The following SLC4A10 variants were observed in gnomAD, a reference collection of about 807,000 sequenced individuals.
SLC4A10 encodes sodium-driven chloride bicarbonate exchanger.
In SLC4A10, 42 loss-of-function variants were observed where a neutral mutation model predicts 137.7. The ratio of observed to expected loss-of-function variants is 0.30; its 90% CI spans 0.24 to 0.39. The LOEUF (loss-of-function observed/expected upper bound fraction) is 0.39. Ranked by LOEUF, SLC4A10 falls within the 10% of genes least tolerant of loss-of-function variation. The pLI is 1.00. For missense variants in SLC4A10, 925 were observed against 1,355.0 expected, an observed-to-expected ratio of 0.68 and a Z score of 4.98; for synonymous variants, 474 against 464.1, an observed-to-expected ratio of 1.02 and a Z score of -0.27.
At chr2:161,767,094 C>CAT (rs770704286) in intron 1 of SLC4A10, among the ~76,000 whole-genome samples, 570 of 40,036 alleles carry the variant, frequency 0.014, 4 homozygotes, top group Middle Eastern at 0.037. Flanking sequence ...AATTAAGAAG[C>CAT]ATATATATAT....
At chr2:161,684,509 A>G (rs1222442299) in intron 1 of SLC4A10, among the ~76,000 whole-genome samples, 1 of 152,192 alleles carries the variant, frequency 6.6e-6, no homozygotes, top group African/African-American at 2.4e-5. Context: ...GAAGAGCTTG[A>G]GCAAGGACTT....
At chr2:161,804,965 A>T (rs2055778443) in intron 3 of SLC4A10, among the ~76,000 whole-genome samples, 1 of 152,122 alleles carries the variant, frequency 6.6e-6, no homozygotes, top group Non-Finnish European at 1.5e-5. Context: ...CAGTCTTAGG[A>T]TGTTGTATTA....
chr2:161,901,073 A>G (rs1559495071), intron 12 of SLC4A10, 62 bp downstream of exon 12: 1 of 1,248,886 alleles, frequency 8.0e-7, no homozygotes, highest in Non-Finnish European at 1.1e-6. Context: ...CTTCTCTGTC[A>G]GAAATTGCTA....
At position 161,889,395 on chromosome 2, in the gene SLC4A10, A is replaced by G. The variant is rs183558363; in HGVS notation, c.1195-5284A>G. Among the ~76,000 whole-genome samples, 645 of 152,208 alleles carry G rather than the reference A, an allele frequency of 4.2e-3. 4 individuals are homozygous for G. Among genetic ancestry groups the G allele is most frequent in the Non-Finnish European group, 8.2e-3 (557 of 67,974 alleles). ...TTTGTACCTCTGGTAGAATTCGGCTATGAATCCATCTGGTGCTGGGCTTTT... is the reference window on the plus strand; with the variant it reads ...TTTGTACCTCTGGTAGAATTCGGCTGTGAATCCATCTGGTGCTGGGCTTTT... On this transcript the variant is annotated intron_variant, in intron 10 of 26. Coordinates refer to ENST00000446997, the MANE Select transcript of SLC4A10 (RefSeq NM_001178015.2).
chr2:161,854,855 C>A, intron 4 of SLC4A10, 115 bp from the exon 5 acceptor site: 1 of 1,061,446 alleles, frequency 9.4e-7, no homozygotes, highest in Non-Finnish European at 1.3e-6. Context: ...CTTCCAAAAC[C>A]TATGAACCAA....
chr2:161,896,886 G>T (rs1036335876), intron 11 of SLC4A10, among the ~76,000 whole-genome samples: 1 of 152,008 alleles, frequency 6.6e-6, no homozygotes, highest in Non-Finnish European at 1.5e-5. Context: ...TATTATCCAA[G>T]AGGAATATTA....
At chr2:161,853,409 A>G (rs181903586) in intron 4 of SLC4A10, among the ~76,000 whole-genome samples, 116 of 152,276 alleles carry the variant, frequency 7.6e-4, no homozygotes, top group African/African-American at 2.6e-3. Flanking sequence ...CCTCTTGCCA[A>G]TTAAATACTC....
rs73003423 is a variant in SLC4A10, at chr2:161,717,770, C to A, written c.49-53203C>A. Among the ~76,000 whole-genome samples the A allele has an allele frequency of 6.3e-3, 954 of 152,236 alleles. 7 individuals are homozygous for A. Among genetic ancestry groups the A allele is most frequent in the African/African-American group, 0.022 (906 of 41,540 alleles). On this transcript the variant is annotated intron_variant, in intron 1 of 26. Transcript: ENST00000446997. ...GAAGTTTTCTTTATTTGTTATATCTCTCCCAGGTTTTGGTGTGAGGATGAC... is the reference window on the plus strand; with the variant it reads ...GAAGTTTTCTTTATTTGTTATATCTATCCCAGGTTTTGGTGTGAGGATGAC...
intron 1 of SLC4A10, among the ~76,000 whole-genome samples, chr2:161,683,995 C>T (rs899926423): frequency 1.3e-5 from 2 of 152,106 alleles, no homozygotes; most frequent in African/African-American, 4.8e-5. Context: ...AGAACTTTTC[C>T]ATCATCCTAT....
At chr2:161,728,180 T>G (rs958622151) in intron 1 of SLC4A10, among the ~76,000 whole-genome samples, 1 of 152,142 alleles carries the variant, frequency 6.6e-6, no homozygotes, top group Admixed American at 6.5e-5. Flanking sequence ...TTCTTGAAAA[T>G]TATATACTAC....
intron 3 of SLC4A10, among the ~76,000 whole-genome samples, chr2:161,811,960 C>A (rs1275910270): frequency 6.6e-6 from 1 of 152,024 alleles, no homozygotes; most frequent in Non-Finnish European, 1.5e-5. Flanking sequence ...GCAAACCCAC[C>A]TTTAGTCATT....
At chr2:161,709,123 AC>A (rs766990119) in intron 1 of SLC4A10, among the ~76,000 whole-genome samples, 6 of 151,510 alleles carry the variant, frequency 4.0e-5, no homozygotes, top group Admixed American at 1.3e-4. Flanking sequence ...GGTTTGGGGC[AC>A]TTCAGATTTT....
intron 13 of SLC4A10, among the ~76,000 whole-genome samples, 151 bp downstream of exon 13, chr2:161,904,329 C>T (rs1341380249): frequency 6.6e-6 from 1 of 152,078 alleles, no homozygotes; most frequent in Non-Finnish European, 1.5e-5. Flanking sequence ...TCCTGGATGG[C>T]TAGTGGAACT....
chr2:161,661,405 C>T (rs778706591), intron 1 of SLC4A10, among the ~76,000 whole-genome samples: 1 of 152,126 alleles, frequency 6.6e-6, no homozygotes, highest in African/African-American at 2.4e-5. Flanking sequence ...AACTGGGAGG[C>T]GGAGGTTGCA....
At chr2:161,905,605 C>T (rs929766041) in intron 14 of SLC4A10, 37 bp from the exon 15 acceptor site, 1 of 1,538,148 alleles carries the variant, frequency 6.5e-7, no homozygotes, top group African/African-American at 1.4e-5. Flanking sequence ...TGTTAAATGA[C>T]CTTCTTTTCA....
intron 3 of SLC4A10, among the ~76,000 whole-genome samples, chr2:161,819,740 C>T (rs574207533): frequency 1.6e-3 from 247 of 152,200 alleles, no homozygotes; most frequent in African/African-American, 5.5e-3. Context: ...GTGATCCACC[C>T]GCACCAGCCT....
chr2:161,983,188 C>G lies in SLC4A10; in HGVS notation c.*36C>G, dbSNP rs1009725550. On this transcript the variant is annotated 3_prime_UTR_variant, in exon 27 of 27. Transcript: ENST00000446997. ...TTTTTTCCTTCTGTAGCATTGAAAG[C>G]CGAAAAGAGAAGAAAGCTGACTCAG... 1.3e-6 allele frequency: 2 copies of G among 1,536,526 alleles called. No individual in the cohort carries two copies. Among genetic ancestry groups the G allele is most frequent in the Admixed American group, 2.0e-5 (1 of 50,974 alleles).
intron 15 of SLC4A10, among the ~76,000 whole-genome samples, chr2:161,908,971 G>C (rs894052909): frequency 9.3e-5 from 14 of 151,050 alleles, no homozygotes; most frequent in Admixed American, 2.0e-4. Flanking sequence ...GCTTTATGTG[G>C]CCATGATCCC....
intron 4 of SLC4A10, among the ~76,000 whole-genome samples, chr2:161,848,353 C>A (rs2059624280): frequency 6.6e-6 from 1 of 152,048 alleles, no homozygotes; most frequent in African/African-American, 2.4e-5. Flanking sequence ...TTGATAGTTT[C>A]TTTTACTGTG....
Sources: gnomAD v4.1 joint callset for allele counts (sites outside exome capture counted in the v4.1 genomes callset) on GRCh38, gnomAD v4.1.1 for gene constraint, MANE v1.5 for transcripts, NCBI Gene and HGNC (gene_info 2026-07-23, HGNC 2026-07-21) for gene names.